The following ZSCAN25 variants were observed in gnomAD, a reference collection of about 807,000 sequenced individuals.
ZSCAN25 encodes zinc finger and SCAN domain containing 25, also known as zinc finger and SCAN domain-containing protein 25.
Under a neutral mutation model 38.7 loss-of-function variants are expected in ZSCAN25, and 27 were observed. The ratio of observed to expected loss-of-function variants is 0.70; its 90% CI spans 0.51 to 0.96. The LOEUF is 0.96. Ranked by LOEUF, ZSCAN25 falls within the 40% of genes least tolerant of loss-of-function variation. The probability of loss-of-function intolerance (pLI) is 0.00; values close to 1 mark genes in which losing one functional copy is unlikely to be tolerated. For synonymous variants in ZSCAN25, 273 were observed against 277.7 expected, an observed-to-expected ratio of 0.98 and a Z score of 0.17; for missense variants, 637 against 705.9, an observed-to-expected ratio of 0.90 and a Z score of 1.11.
the ZSCAN25 span, among the ~76,000 whole-genome samples, chr7:99,669,007 C>T: frequency 6.6e-6 from 1 of 152,020 alleles, no homozygotes; most frequent in Admixed American, 6.6e-5. Flanking sequence ...ATTATTAAAC[C>T]TTGCTTTCTG....
chr7:99,704,331 CT>C, the ZSCAN25 span, among the ~76,000 whole-genome samples: 5 of 152,118 alleles, frequency 3.3e-5, no homozygotes, highest in Non-Finnish European at 1.5e-5. Context: ...CACTCTGTCA[CT>C]CAGGCTGGAG....
At position 99,631,226 on chromosome 7, in the gene ZSCAN25, C is replaced by G. The variant is rs1265369246; in HGVS notation, c.*1206C>G. On this transcript the variant is annotated 3_prime_UTR_variant, in exon 8 of 8. Transcript: ENST00000394152. ...CACCTACCTCTTGTTACTAAATGGT[C>G]TCTGCCCTCCAGACCCTTGTCATCC... 4 of 985,314 alleles carry G rather than the reference C, an allele frequency of 4.1e-6. No individual in the cohort carries two copies. In the East Asian group the frequency reaches 4.5e-4, roughly 112 times the overall value. The allele number at this position is 985,314 out of a possible 1,614,324, so 61.0% of individuals were successfully genotyped here.
chr7:99,668,536 C>T, the ZSCAN25 span, among the ~76,000 whole-genome samples: 4 of 152,160 alleles, frequency 2.6e-5, no homozygotes, highest in East Asian at 1.9e-4. Flanking sequence ...GTGTGAACTT[C>T]GTAGACAACA....
At chr7:99,735,312 G>A in the ZSCAN25 span, 2 of 577,378 alleles carry the variant, frequency 3.5e-6, no homozygotes, top group Non-Finnish European at 6.2e-6. Context: ...TCTCCACCTC[G>A]GCAGTTGGCA....
At chr7:99,705,548 G>C in the ZSCAN25 span, 1 of 1,613,640 alleles carries the variant, frequency 6.2e-7, no homozygotes, top group Non-Finnish European at 8.5e-7. Flanking sequence ...TTAGAACAAT[G>C]GGTTTTTCTG....
At chr7:99,680,294 C>T in the ZSCAN25 span, among the ~76,000 whole-genome samples, 2 of 152,186 alleles carry the variant, frequency 1.3e-5, no homozygotes, top group Non-Finnish European at 2.9e-5. Flanking sequence ...CACACCTACA[C>T]ATCTTTACCC....
the ZSCAN25 span, chr7:99,680,046 G>A: frequency 4.4e-6 from 3 of 680,978 alleles, no homozygotes; most frequent in African/African-American, 5.3e-5. Context: ...AAGGAGGCAG[G>A]GCTATAGCTG....
the ZSCAN25 span, chr7:99,710,777 G>A: frequency 1.2e-6 from 2 of 1,613,876 alleles, no homozygotes; most frequent in Non-Finnish European, 1.7e-6. Context: ...CTTTCTGCTG[G>A]ACATCAGGGT....
chr7:99,652,446 A>C, the ZSCAN25 span: 5 of 780,590 alleles, frequency 6.4e-6, no homozygotes, highest in African/African-American at 8.6e-5. Flanking sequence ...AAAGACTTAC[A>C]AGCAAATGAT....
the ZSCAN25 span, among the ~76,000 whole-genome samples, chr7:99,658,221 A>G: frequency 6.6e-6 from 1 of 152,070 alleles, no homozygotes; most frequent in Admixed American, 6.6e-5. Flanking sequence ...GGCTGGTACC[A>G]GTTGTTCCTT....
At chr7:99,643,887 AG>A in the ZSCAN25 span, among the ~76,000 whole-genome samples, 1 of 151,660 alleles carries the variant, frequency 6.6e-6, no homozygotes. Context: ...AAGACTGTTC[AG>A]GGCCAGGCAA....
the ZSCAN25 span, chr7:99,721,108 A>G: frequency 1.3e-5 from 2 of 152,778 alleles, no homozygotes; most frequent in South Asian, 4.1e-4. Context: ...CAGCTGCTGC[A>G]GTTGGCTGAG....
chr7:99,627,811 C>CAAGTAT (rs1807621203), intron 7 of ZSCAN25, among the ~76,000 whole-genome samples: 2 of 150,766 alleles, frequency 1.3e-5, no homozygotes, highest in African/African-American at 4.9e-5. Context: ...ATACTGTATA[C>CAAGTAT]ATGTATATGC....
chr7:99,676,394 C>A, the ZSCAN25 span: 1 of 1,514,552 alleles, frequency 6.6e-7, no homozygotes, highest in Non-Finnish European at 8.9e-7. Flanking sequence ...TTCTGAGACC[C>A]CTGAAAAGTC....
At chr7:99,712,049 G>A in the ZSCAN25 span, among the ~76,000 whole-genome samples, 1 of 152,184 alleles carries the variant, frequency 6.6e-6, no homozygotes. Context: ...CATTAAAATG[G>A]TATAAGCTCT....
At chr7:99,708,091 G>A in the ZSCAN25 span, 1 of 1,440,726 alleles carries the variant, frequency 6.9e-7, no homozygotes, top group South Asian at 1.2e-5. Context: ...GGATACTTTT[G>A]TGGGCTAGTC....
intron 7 of ZSCAN25, 75 bp downstream of exon 7, chr7:99,624,255 T>C: frequency 1.3e-6 from 2 of 1,595,436 alleles, no homozygotes; most frequent in Non-Finnish European, 1.7e-6. Flanking sequence ...GCCGTAGCTC[T>C]GGCGCTCCTG....
At chr7:99,662,477 C>T in the ZSCAN25 span, among the ~76,000 whole-genome samples, 1 of 152,138 alleles carries the variant, frequency 6.6e-6, no homozygotes, top group African/African-American at 2.4e-5. This position sits in a 1 kb window ranked among gnomAD's most constrained non-coding sequence, Gnocchi z 4.3. Context: ...GCTTCCTGAT[C>T]GGTATGTTTG....
At chr7:99,648,071 G>C in the ZSCAN25 span, 3 of 1,127,716 alleles carry the variant, frequency 2.7e-6, no homozygotes, top group East Asian at 4.7e-5. Context: ...GAGAAGCAGA[G>C]AAGCTGAGTC....
Sources: allele counts gnomAD v4.1 joint callset (sites outside exome capture counted in the v4.1 genomes callset), GRCh38; gene constraint gnomAD v4.1.1; non-coding constraint Gnocchi (gnomAD v3.1); transcripts MANE v1.5; gene names NCBI Gene and HGNC (gene_info 2026-07-23, HGNC 2026-07-21).